The following HPSE2 variants were observed in gnomAD, a reference collection of about 807,000 sequenced individuals.
HPSE2 encodes the protein heparanase 2 (inactive), also known as inactive heparanase-2.
In HPSE2, 38 loss-of-function variants were observed where a neutral mutation model predicts 60.5. The ratio of observed to expected loss-of-function variants is 0.63; its 90% CI spans 0.48 to 0.82. HPSE2 has a LOEUF of 0.82. Ranked by LOEUF, HPSE2 falls within the 40% of genes least tolerant of loss-of-function variation. The pLI is 0.00. For missense variants in HPSE2, 713 were observed against 740.4 expected, an observed-to-expected ratio of 0.96 and a Z score of 0.43; for synonymous variants, 295 against 293.2, an observed-to-expected ratio of 1.01 and a Z score of -0.06.
At chr10:99,057,734 C>G (rs1958145837) in intron 3 of HPSE2, among the ~76,000 whole-genome samples, 1 of 152,186 alleles carries the variant, frequency 6.6e-6, no homozygotes, top group South Asian at 2.1e-4. Flanking sequence ...ACCCAGGATT[C>G]TAATCAAGCT....
chr10:99,284,394 C>A, the HPSE2 span, among the ~76,000 whole-genome samples: 2 of 151,982 alleles, frequency 1.3e-5, no homozygotes, highest in African/African-American at 4.8e-5. Flanking sequence ...TGATAAAGGC[C>A]ATATACAAAA....
intron 2 of HPSE2, among the ~76,000 whole-genome samples, chr10:99,183,677 T>C (rs1380141051): frequency 6.6e-6 from 1 of 152,214 alleles, no homozygotes; most frequent in Non-Finnish European, 1.5e-5. Flanking sequence ...GCCTTCTTCC[T>C]GGACAATACT....
At chr10:98,755,665 T>C (rs575639933) in intron 3 of HPSE2, among the ~76,000 whole-genome samples, 1 of 152,278 alleles carries the variant, frequency 6.6e-6, no homozygotes, top group Admixed American at 6.5e-5. Context: ...TCACCCACCC[T>C]CTCAGACCAC....
At chr10:98,992,863 T>G (rs1017745037) in intron 3 of HPSE2, among the ~76,000 whole-genome samples, 2 of 152,230 alleles carry the variant, frequency 1.3e-5, no homozygotes, top group Non-Finnish European at 2.9e-5. Context: ...CAATCCTGGC[T>G]ATAATTCTTT....
chr10:98,922,470 GA>G (rs1213514228), intron 3 of HPSE2, among the ~76,000 whole-genome samples: 1 of 152,184 alleles, frequency 6.6e-6, no homozygotes. Context: ...CAATTTCTCA[GA>G]TTCCCTTTCA....
chr10:98,858,430 T>C (rs1952371132), intron 3 of HPSE2, among the ~76,000 whole-genome samples: 1 of 152,144 alleles, frequency 6.6e-6, no homozygotes, highest in African/African-American at 2.4e-5. Flanking sequence ...GAAAACCAAA[T>C]TGGGCAATAG....
At chr10:98,997,364 C>T (rs528382307) in intron 3 of HPSE2, among the ~76,000 whole-genome samples, 1 of 152,184 alleles carries the variant, frequency 6.6e-6, no homozygotes, top group East Asian at 1.9e-4. Context: ...GATCCACCCA[C>T]CTCAGACTCC....
chr10:98,761,405 A>C (rs1187989239), intron 3 of HPSE2, among the ~76,000 whole-genome samples: 1 of 151,998 alleles, frequency 6.6e-6, no homozygotes, highest in Non-Finnish European at 1.5e-5. Context: ...CGTCTTTATT[A>C]TTTCCTTCCT....
chr10:98,893,270 T>C (rs1435105318), intron 3 of HPSE2, among the ~76,000 whole-genome samples: 3 of 152,066 alleles, frequency 2.0e-5, no homozygotes, highest in Non-Finnish European at 2.9e-5. Flanking sequence ...TTTCTCCATG[T>C]TGGTCAGGCT....
chr10:98,877,551 A>T (rs778324747), intron 3 of HPSE2, among the ~76,000 whole-genome samples: 9 of 151,950 alleles, frequency 5.9e-5, no homozygotes, highest in Admixed American at 1.3e-4. Context: ...TGGCAGGATT[A>T]TATCAGTTAA....
At chr10:98,649,400 G>A (rs544445844) in intron 6 of HPSE2, among the ~76,000 whole-genome samples, 3 of 152,070 alleles carry the variant, frequency 2.0e-5, no homozygotes, top group African/African-American at 7.2e-5. Flanking sequence ...CAGCTCACAC[G>A]GTATTAGTAA....
chr10:98,949,613 G>A (rs1476710934), intron 3 of HPSE2, among the ~76,000 whole-genome samples: 1 of 152,118 alleles, frequency 6.6e-6, no homozygotes, highest in East Asian at 1.9e-4. Context: ...ACCCCTTTCT[G>A]AAGTTACCTG....
At chr10:98,629,655 C>T (rs1020845316) in intron 7 of HPSE2, among the ~76,000 whole-genome samples, 2 of 152,170 alleles carry the variant, frequency 1.3e-5, no homozygotes, top group African/African-American at 4.8e-5. Context: ...CTAGTCCATC[C>T]TTCACACTGC....
chr10:98,672,406 T>C (rs1228859708), intron 6 of HPSE2, among the ~76,000 whole-genome samples: 1 of 152,216 alleles, frequency 6.6e-6, no homozygotes, highest in Non-Finnish European at 1.5e-5. Flanking sequence ...CCCTCTTCCA[T>C]AGCTTCTAAT....
At chr10:98,896,881 A>T (rs565434624) in intron 3 of HPSE2, among the ~76,000 whole-genome samples, 1 of 152,306 alleles carries the variant, frequency 6.6e-6, no homozygotes, top group East Asian at 1.9e-4. Flanking sequence ...AGAAGACACA[A>T]ATTAACAACT....
At chr10:99,268,404 G>A in the HPSE2 span, among the ~76,000 whole-genome samples, 4 of 152,114 alleles carry the variant, frequency 2.6e-5, no homozygotes, top group South Asian at 8.3e-4. Context: ...AGCACTTTGG[G>A]AGGCTGAGCT....
the HPSE2 span, among the ~76,000 whole-genome samples, chr10:99,259,950 T>A: frequency 6.6e-6 from 1 of 152,080 alleles, no homozygotes; most frequent in Non-Finnish European, 1.5e-5. Flanking sequence ...CCCGAAATCA[T>A]CCCCACCCTC....
chr10:98,641,848 T>A lies in HPSE2; in HGVS notation c.1097A>T (p.Lys366Ile). The A allele has an allele frequency of 6.2e-7, 1 of 1,610,584 alleles. No individual in the cohort carries two copies. The highest frequency in any genetic ancestry group is 8.5e-7 in the Non-Finnish European group (1 of 1,176,808). ...TCTTCCCAGGATACTTTTACTCACT[T>A]TCTGAATTTTCCTAATCTGGTCAGA... ...TLSDQIRKIQ[K>I]VVNTYTPGKK... The change falls in exon 7 of 12, where the codon AAA (lysine) becomes ATA (isoleucine). Residue 366 changes from lysine (K) to isoleucine (I), a missense_variant and splice_region_variant. By Grantham distance (102) the Lys-to-Ile change is moderately radical. Coordinates refer to ENST00000370552, the MANE Select transcript of HPSE2 (RefSeq NM_021828.5).
intron 3 of HPSE2, among the ~76,000 whole-genome samples, chr10:98,788,665 C>A (rs552014896): frequency 6.6e-6 from 1 of 152,158 alleles, no homozygotes; most frequent in African/African-American, 2.4e-5. Context: ...TTTCTTAAGC[C>A]GGTCTGAAAA....
Sources: gnomAD v4.1 joint callset for allele counts (sites outside exome capture counted in the v4.1 genomes callset) on GRCh38, gnomAD v4.1.1 for gene constraint, MANE v1.5 for transcripts, NCBI Gene and HGNC (gene_info 2026-07-23, HGNC 2026-07-21) for gene names.